Variants in CDH13 observed in about 807,000 individuals in gnomAD.
CDH13 encodes cadherin-13.
A neutral mutation model predicts 63.8 loss-of-function variants in CDH13; 24 were observed. That is an observed-to-expected ratio of 0.38 (90% confidence interval 0.27 to 0.53). CDH13 has a LOEUF of 0.53. Ranked by LOEUF, CDH13 falls within the 20% of genes least tolerant of loss-of-function variation. The pLI is 0.85. For synonymous variants in CDH13, 503 were observed against 355.3 expected, an observed-to-expected ratio of 1.42 and a Z score of -4.67; for missense variants, 1,049 against 903.1, an observed-to-expected ratio of 1.16 and a Z score of -2.07.
intron 1 of CDH13, among the ~76,000 whole-genome samples, chr16:82,795,944 C>CT (rs74501986): frequency 0.07 from 9,597 of 136,156 alleles, 966 homozygotes; most frequent in African/African-American, 0.22. Context: ...ACCCTTCATT[C>CT]TTTTTTTTTT....
At chr16:82,932,285 C>G (rs770124277) in intron 2 of CDH13, among the ~76,000 whole-genome samples, 1 of 152,126 alleles carries the variant, frequency 6.6e-6, no homozygotes, top group Non-Finnish European at 1.5e-5. Context: ...TCAAATGTAG[C>G]TGGGCACCTT....
At chr16:83,426,907 CTTTTTTTTTTTTTTTTTT>C (rs71148833) in intron 6 of CDH13, among the ~76,000 whole-genome samples, 3 of 63,184 alleles carry the variant, frequency 4.7e-5, no homozygotes, top group African/African-American at 7.1e-5. Context: ...ATGTTTCTTT[CTTTTTTTTTTTTTTTTTT>C]TTTTTTTTTT....
intron 1 of CDH13, among the ~76,000 whole-genome samples, chr16:82,736,939 C>T (rs370222805): frequency 2.0e-5 from 3 of 152,114 alleles, no homozygotes; most frequent in African/African-American, 4.8e-5. Flanking sequence ...GCAGCATAAT[C>T]GTGTTTCTTC....
chr16:83,452,884 C>A (rs1233508088), intron 6 of CDH13, among the ~76,000 whole-genome samples: 1 of 152,094 alleles, frequency 6.6e-6, no homozygotes, highest in African/African-American at 2.4e-5. Flanking sequence ...TCCTTTTGTT[C>A]CAGGAACACC....
At chr16:83,547,609 A>G (rs529182032) in intron 7 of CDH13, among the ~76,000 whole-genome samples, 2 of 152,314 alleles carry the variant, frequency 1.3e-5, no homozygotes, top group East Asian at 1.9e-4. Flanking sequence ...AGCTCCATCC[A>G]TGTTCCTGCA....
chr16:83,657,771 T>A lies in CDH13; in HGVS notation c.1102-13019T>A, dbSNP rs117390734. 4.1e-4 allele frequency among the ~76,000 whole-genome samples: 62 copies of A among 152,298 alleles called. 1 individual carries two copies. In the East Asian group the frequency reaches 8.9e-3, roughly 22 times the overall value. The stretch of plus-strand genomic sequence containing the variant: ...ACTCCTTGCCATAGAACAGCAAGAA[T>A]TCGCAACATTCCCTGCCAGTGGCAT... On this transcript the variant is annotated intron_variant, in intron 8 of 13. Coordinates refer to ENST00000567109, the MANE Select transcript of CDH13 (RefSeq NM_001257.5).
At chr16:83,611,339 G>T (rs1221628391) in intron 8 of CDH13, among the ~76,000 whole-genome samples, 1 of 151,838 alleles carries the variant, frequency 6.6e-6, no homozygotes, top group Admixed American at 6.6e-5. Flanking sequence ...TACCCCAAAG[G>T]TTTAATTTCA....
chr16:83,733,379 G>A (rs1911226820), intron 10 of CDH13, among the ~76,000 whole-genome samples: 1 of 152,144 alleles, frequency 6.6e-6, no homozygotes, highest in Non-Finnish European at 1.5e-5. Flanking sequence ...AGCCCTCCCG[G>A]TAACCTGGCC....
chr16:82,669,437 AC>A (rs749448395), intron 1 of CDH13, among the ~76,000 whole-genome samples: 1 of 152,204 alleles, frequency 6.6e-6, no homozygotes, highest in Non-Finnish European at 1.5e-5. Context: ...TTTAGGACTT[AC>A]CCATTGAGCC....
At chr16:82,786,981 A>T (rs1296624423) in intron 1 of CDH13, among the ~76,000 whole-genome samples, 1 of 152,140 alleles carries the variant, frequency 6.6e-6, no homozygotes, top group Non-Finnish European at 1.5e-5. Flanking sequence ...TTCTAAATTA[A>T]CAGGAGTATG....
intron 3 of CDH13, among the ~76,000 whole-genome samples, chr16:83,094,347 C>T (rs1262910291): frequency 6.6e-6 from 1 of 152,032 alleles, no homozygotes; most frequent in Non-Finnish European, 1.5e-5. Context: ...CAGGAGTAAC[C>T]CACATTATTT....
At chr16:82,802,740 G>A (rs1012611334) in intron 1 of CDH13, among the ~76,000 whole-genome samples, 5 of 150,756 alleles carry the variant, frequency 3.3e-5, no homozygotes, top group African/African-American at 2.4e-5. Flanking sequence ...GGGGAAAAGT[G>A]AACAGCAACC....
intron 5 of CDH13, among the ~76,000 whole-genome samples, chr16:83,224,627 G>C (rs34124754): frequency 1.3e-5 from 2 of 152,170 alleles, no homozygotes; most frequent in African/African-American, 4.8e-5. Flanking sequence ...GAAGAATCTC[G>C]ACTCTCCTAT....
At chr16:83,293,141 C>T (rs564424683) in intron 5 of CDH13, among the ~76,000 whole-genome samples, 68 of 152,242 alleles carry the variant, frequency 4.5e-4, no homozygotes, top group Middle Eastern at 3.5e-3. Context: ...GGGTTATCAG[C>T]AACAGAATAT....
chr16:83,108,323 A>G (rs539305458), intron 3 of CDH13, among the ~76,000 whole-genome samples: 13 of 152,288 alleles, frequency 8.5e-5, no homozygotes, highest in Admixed American at 2.0e-4. Context: ...GTGTTGCAGA[A>G]CTTTCCCCTT....
chr16:82,954,238 C>T (rs1444461165), intron 2 of CDH13: 1 of 152,118 alleles, frequency 6.6e-6, no homozygotes. Flanking sequence ...TATTGCTCTT[C>T]CGACTCCTGT....
At chr16:83,392,124 C>A (rs889268418) in intron 6 of CDH13, among the ~76,000 whole-genome samples, 1 of 152,158 alleles carries the variant, frequency 6.6e-6, no homozygotes, top group Non-Finnish European at 1.5e-5. Context: ...CCTATACACA[C>A]TGATCTTCTG....
At chr16:83,039,561 G>C (rs1917158640) in intron 3 of CDH13, among the ~76,000 whole-genome samples, 1 of 152,048 alleles carries the variant, frequency 6.6e-6, no homozygotes, top group Admixed American at 6.5e-5. Flanking sequence ...GTCCGCCTTG[G>C]ATGAATATAG....
chr16:82,959,474 C>T (rs1175408757), intron 2 of CDH13, among the ~76,000 whole-genome samples: 1 of 152,192 alleles, frequency 6.6e-6, no homozygotes, highest in Non-Finnish European at 1.5e-5. Flanking sequence ...GGGCAGAATC[C>T]ACTTTCTTCC....
Sources: allele counts gnomAD v4.1 joint callset (sites outside exome capture counted in the v4.1 genomes callset), GRCh38; gene constraint gnomAD v4.1.1; transcripts MANE v1.5; gene names NCBI Gene and HGNC (gene_info 2026-07-23, HGNC 2026-07-21).